Variants in L3MBTL4 observed in about 807,000 individuals in gnomAD.
The protein encoded by L3MBTL4 is lethal(3)malignant brain tumor-like protein 4.
A neutral mutation model predicts 84.5 loss-of-function variants in L3MBTL4; 70 were observed. That is an observed-to-expected ratio of 0.83 (90% CI 0.68 to 1.01). The LOEUF is 1.01. Among genes scored for constraint, L3MBTL4 ranks in the 50% least tolerant of loss-of-function variants. The pLI is 0.00. For missense variants in L3MBTL4, 715 were observed against 754.8 expected (o/e 0.95, Z 0.62); for synonymous variants, 274 against 259.8 (o/e 1.05, Z -0.52).
intron 1 of L3MBTL4, among the ~76,000 whole-genome samples, chr18:6,376,702 C>A (rs140848475): frequency 3.2e-4 from 48 of 152,286 alleles, no homozygotes; most frequent in African/African-American, 1.0e-3. Flanking sequence ...GGCATCACTG[C>A]ACTCCAGCCT....
rs150628775 is a variant in L3MBTL4 at position 6,165,452 on chromosome 18, A to C, written c.1096+6376T>G. 2.3e-3 allele frequency among the ~76,000 whole-genome samples: 344 copies of C among 152,348 alleles called. 2 individuals carry two copies. The highest frequency in any genetic ancestry group is 7.9e-3 in the African/African-American group (327 of 41,588). On this transcript the variant is annotated intron_variant, in intron 13 of 18. Transcript: ENST00000317931. The stretch of plus-strand genomic sequence containing the variant: ...GAGAGAAAGGTCGGGTTACCCACAA[A>C]GGGAAGCCCGTCAGACTAACAACTG...
chr18:6,062,499 G>T (rs2057258595), intron 16 of L3MBTL4, among the ~76,000 whole-genome samples: 2 of 151,896 alleles, frequency 1.3e-5, no homozygotes, highest in Admixed American at 1.3e-4. Context: ...GTGCTTACTG[G>T]ATATGTGTTT....
At chr18:6,289,570 A>G (rs531367072) in intron 4 of L3MBTL4, among the ~76,000 whole-genome samples, 23 of 152,348 alleles carry the variant, frequency 1.5e-4, no homozygotes, top group African/African-American at 5.3e-4. Flanking sequence ...AAAATTTCTC[A>G]GATTCCTGTC....
chr18:6,037,172 C>A (rs1207301288), intron 16 of L3MBTL4, among the ~76,000 whole-genome samples: 1 of 149,324 alleles, frequency 6.7e-6, no homozygotes, highest in African/African-American at 2.4e-5. Context: ...CCCTTTTTGC[C>A]CACCCTTGCT....
intron 1 of L3MBTL4, among the ~76,000 whole-genome samples, chr18:6,375,531 A>G: frequency 6.6e-6 from 1 of 152,034 alleles, no homozygotes; most frequent in East Asian, 1.9e-4. Context: ...TAGGTGAGGG[A>G]CACTTCCACA....
chr18:6,389,312 A>G (rs747796651), intron 1 of L3MBTL4, among the ~76,000 whole-genome samples: 3 of 151,616 alleles, frequency 2.0e-5, no homozygotes, highest in Non-Finnish European at 2.9e-5. Flanking sequence ...ATCTTGAAAC[A>G]AAAGCTCAAT....
At chr18:6,295,288 G>GTGAAA (rs2050041973) in intron 4 of L3MBTL4, among the ~76,000 whole-genome samples, 1 of 125,178 alleles carries the variant, frequency 8.0e-6, no homozygotes, top group African/African-American at 3.1e-5. Flanking sequence ...CAAAACAACA[G>GTGAAA]CAACAACAAC....
In L3MBTL4 at chr18:6,367,974, T is replaced by C. The variant is rs528634637; in HGVS notation, c.-91+46827A>G. Among the ~76,000 whole-genome samples, 8 of 152,178 alleles carry C rather than the reference T, an allele frequency of 5.3e-5. No individual in the cohort carries two copies. The East Asian group carries it at 1.5e-3, about 29-fold the overall frequency. ...CGTGAAACATGAATTCAAAACCAAG[T>C]CCTGGGAGGAACATGCTTGGAAGGA... is the stretch of plus-strand genomic sequence containing the variant. On this transcript the variant is annotated intron_variant, in intron 1 of 18. Transcript: ENST00000317931.
chr18:5,965,722 A>G (rs2052320426), intron 17 of L3MBTL4, among the ~76,000 whole-genome samples: 1 of 152,184 alleles, frequency 6.6e-6, no homozygotes, highest in African/African-American at 2.4e-5. Flanking sequence ...ATTCCTGAGG[A>G]CCTATGTTGG....
At chr18:6,248,115 TC>T (rs201796263) in intron 5 of L3MBTL4, among the ~76,000 whole-genome samples, 1 of 151,802 alleles carries the variant, frequency 6.6e-6, no homozygotes, top group African/African-American at 2.4e-5. Flanking sequence ...CTAAGACTAA[TC>T]CCCCCCCAAA....
chr18:6,257,976 G>A (rs1396510207), intron 5 of L3MBTL4, among the ~76,000 whole-genome samples: 1 of 152,172 alleles, frequency 6.6e-6, no homozygotes, highest in Non-Finnish European at 1.5e-5. Context: ...GAGAAGAAAC[G>A]TCAGCTTACA....
chr18:6,132,453 C>A lies in L3MBTL4; in HGVS notation c.1199+5741G>T, dbSNP rs61590694. Among the ~76,000 whole-genome samples the A allele has an allele frequency of 3.4e-3, 514 of 152,258 alleles. 3 individuals carry two copies. Among genetic ancestry groups the A allele is most frequent in the African/African-American group, 0.012 (479 of 41,544 alleles). ...GAACTGGAGAAGAGCTGATAGAATT[C>A]ATCACCCCAGCAGCCCTGAGCATGT... On this transcript the variant is annotated intron_variant, in intron 14 of 18. Coordinates refer to ENST00000317931, the MANE Select transcript of L3MBTL4 (RefSeq NM_001330559.2).
intron 16 of L3MBTL4, among the ~76,000 whole-genome samples, chr18:5,979,201 T>A (rs1166198703): frequency 6.6e-6 from 1 of 152,132 alleles, no homozygotes; most frequent in Non-Finnish European, 1.5e-5. Context: ...TCTCTGGGAA[T>A]GTGCCCCATT....
intron 1 of L3MBTL4, among the ~76,000 whole-genome samples, chr18:6,366,563 G>A (rs886658459): frequency 1.3e-5 from 2 of 152,192 alleles, no homozygotes; most frequent in African/African-American, 4.8e-5. Flanking sequence ...CTAGAGATCT[G>A]TGAATATCTA....
At chr18:6,100,384 TTTCTA>T (rs1201241853) in intron 14 of L3MBTL4, among the ~76,000 whole-genome samples, 1 of 152,210 alleles carries the variant, frequency 6.6e-6, no homozygotes, top group East Asian at 1.9e-4. Context: ...TTGGTAAGAC[TTTCTA>T]TTCTGTCATT....
chr18:6,414,951 G>T (rs1235050276), upstream of L3MBTL4: 2 of 150,102 alleles, frequency 1.3e-5, no homozygotes, highest in African/African-American at 2.4e-5. The surrounding 1 kb of genome is among the most constrained non-coding windows in gnomAD (Gnocchi z 5.4). Context: ...GGGTGGGGGC[G>T]CGGGAGCCGC....
At chr18:6,071,507 A>T (rs1266975164) in intron 16 of L3MBTL4, among the ~76,000 whole-genome samples, 1 of 151,586 alleles carries the variant, frequency 6.6e-6, no homozygotes, top group Non-Finnish European at 1.5e-5. Flanking sequence ...GCAGTGACTC[A>T]CACCTGTAAT....
intron 15 of L3MBTL4, chr18:6,082,420 T>C (rs1024089016): frequency 6.6e-6 from 1 of 152,206 alleles, no homozygotes; most frequent in African/African-American, 2.4e-5. Context: ...GTAGAGAGCA[T>C]GGGTCAAACA....
At chr18:6,037,209 A>G (rs2056183745) in intron 16 of L3MBTL4, among the ~76,000 whole-genome samples, 1 of 152,240 alleles carries the variant, frequency 6.6e-6, no homozygotes, top group African/African-American at 2.4e-5. Flanking sequence ...AAGCTGCTCC[A>G]GGAACGCATG....
Sources: allele counts gnomAD v4.1 joint callset (sites outside exome capture counted in the v4.1 genomes callset), GRCh38; gene constraint gnomAD v4.1.1; non-coding constraint Gnocchi (gnomAD v3.1); transcripts MANE v1.5; gene names NCBI Gene and HGNC (gene_info 2026-07-23, HGNC 2026-07-21).